C1QTNF3: variants seen among roughly 807,000 people sequenced by gnomAD.
The protein encoded by C1QTNF3 is complement C1q tumor necrosis factor-related protein 3.
A neutral mutation model predicts 32.6 loss-of-function variants in C1QTNF3; 26 were observed. That is an observed-to-expected ratio of 0.80 (90% CI 0.58 to 1.11). C1QTNF3 has a LOEUF of 1.11. C1QTNF3 is among the 50% of genes least tolerant of loss of function. C1QTNF3 has a pLI of 0.00. For synonymous variants in C1QTNF3, 155 were observed against 146.0 expected, an observed-to-expected ratio of 1.06 and a Z score of -0.44; for missense variants, 362 against 398.2, an observed-to-expected ratio of 0.91 and a Z score of 0.77.
chr5:34,034,617 TTGAC>T (rs1327715828), intron 2 of C1QTNF3, among the ~76,000 whole-genome samples: 1 of 152,216 alleles, frequency 6.6e-6, no homozygotes, highest in Non-Finnish European at 1.5e-5. Flanking sequence ...TGGATGAACT[TTGAC>T]TGTGTTTACA....
chr5:34,055,304 G>T, the C1QTNF3 span, among the ~76,000 whole-genome samples: 30 of 152,316 alleles, frequency 2.0e-4, no homozygotes, highest in African/African-American at 6.0e-4. Flanking sequence ...CCACATGGTA[G>T]AAAGAAGGGG....
the C1QTNF3 span, among the ~76,000 whole-genome samples, chr5:34,064,047 T>C: frequency 5.3e-5 from 8 of 151,916 alleles, no homozygotes; most frequent in Non-Finnish European, 1.0e-4. Flanking sequence ...CCCAGGAAAA[T>C]TGAAAGTGGA....
the C1QTNF3 span, chr5:34,166,934 C>G: frequency 6.6e-6 from 1 of 152,100 alleles, no homozygotes; most frequent in Non-Finnish European, 1.5e-5. Flanking sequence ...TACAGCTAAA[C>G]CTAATGAAGA....
At chr5:34,064,889 A>T in the C1QTNF3 span, among the ~76,000 whole-genome samples, 1 of 152,156 alleles carries the variant, frequency 6.6e-6, no homozygotes, top group Non-Finnish European at 1.5e-5. Context: ...ATTTATTCCA[A>T]GTCTACTGAT....
At chr5:34,236,883 T>G in the C1QTNF3 span, among the ~76,000 whole-genome samples, 1 of 152,116 alleles carries the variant, frequency 6.6e-6, no homozygotes, top group East Asian at 1.9e-4. Flanking sequence ...GCCAGTTAAT[T>G]TTTCTATTAA....
the C1QTNF3 span, among the ~76,000 whole-genome samples, chr5:34,229,237 A>G: frequency 6.6e-6 from 1 of 152,002 alleles, no homozygotes; most frequent in Non-Finnish European, 1.5e-5. Context: ...TCTCACATTT[A>G]CATATCATAA....
At chr5:34,051,027 T>C in the C1QTNF3 span, among the ~76,000 whole-genome samples, 2 of 152,206 alleles carry the variant, frequency 1.3e-5, no homozygotes, top group Non-Finnish European at 2.9e-5. Context: ...GGACTTGACA[T>C]TATATGATAA....
the C1QTNF3 span, among the ~76,000 whole-genome samples, chr5:34,234,704 T>A: frequency 7.9e-5 from 12 of 152,288 alleles, no homozygotes; most frequent in East Asian, 1.5e-3. Flanking sequence ...GATGAAACCA[T>A]AAACATGTCC....
the C1QTNF3 span, among the ~76,000 whole-genome samples, chr5:34,126,878 G>A: frequency 2.6e-5 from 4 of 152,198 alleles, no homozygotes; most frequent in African/African-American, 7.2e-5. Flanking sequence ...CATTTCAGGG[G>A]TGGAGCCTGA....
chr5:34,172,333 TACTC>T, the C1QTNF3 span, among the ~76,000 whole-genome samples: 1 of 151,366 alleles, frequency 6.6e-6, no homozygotes, highest in African/African-American at 2.4e-5. Flanking sequence ...TGTGGTCTCT[TACTC>T]TCTCTCAAAA....
the C1QTNF3 span, among the ~76,000 whole-genome samples, chr5:34,088,372 A>G: frequency 6.6e-6 from 1 of 152,210 alleles, no homozygotes; most frequent in South Asian, 2.1e-4. Flanking sequence ...TGTATTGTTT[A>G]TTAAATTCTC....
At chr5:34,048,598 G>T in the C1QTNF3 span, among the ~76,000 whole-genome samples, 1 of 150,792 alleles carries the variant, frequency 6.6e-6, no homozygotes, top group East Asian at 2.0e-4. Context: ...ACAATGAGAA[G>T]AATTCTGGGA....
the C1QTNF3 span, among the ~76,000 whole-genome samples, chr5:34,196,660 A>ATTTTTTTT: frequency 7.1e-6 from 1 of 140,986 alleles, no homozygotes; most frequent in Non-Finnish European, 1.6e-5. Flanking sequence ...TTAATTTTTA[A>ATTTTTTTT]TTTTTTTTTT....
chr5:34,130,123 TTA>T, the C1QTNF3 span, among the ~76,000 whole-genome samples: 66 of 148,038 alleles, frequency 4.5e-4, no homozygotes, highest in East Asian at 9.8e-4. Flanking sequence ...GATCACTATT[TTA>T]TATATATACA....
the C1QTNF3 span, among the ~76,000 whole-genome samples, chr5:34,145,748 A>T: frequency 2.6e-5 from 4 of 152,106 alleles, no homozygotes; most frequent in Admixed American, 2.6e-4. Flanking sequence ...AGCCATAAAA[A>T]TACTCAACAA....
At chr5:34,079,133 A>G in the C1QTNF3 span, among the ~76,000 whole-genome samples, 1 of 151,650 alleles carries the variant, frequency 6.6e-6, no homozygotes, top group African/African-American at 2.4e-5. Context: ...AATGAAAAAC[A>G]CTGTGATCTA....
the C1QTNF3 span, among the ~76,000 whole-genome samples, chr5:34,225,495 A>G: frequency 6.6e-6 from 1 of 152,062 alleles, no homozygotes; most frequent in Non-Finnish European, 1.5e-5. Context: ...GTATTTTAAT[A>G]AACTGACTTA....
the C1QTNF3 span, among the ~76,000 whole-genome samples, chr5:34,143,810 C>G: frequency 4.6e-5 from 7 of 152,258 alleles, no homozygotes; most frequent in South Asian, 1.5e-3. Context: ...AAAAATGACA[C>G]CTGCTACTCC....
the C1QTNF3 span, among the ~76,000 whole-genome samples, chr5:34,075,186 T>C: frequency 2.0e-5 from 3 of 151,750 alleles, no homozygotes; most frequent in Non-Finnish European, 4.4e-5. Context: ...TTTTGTTAGA[T>C]ATGGATATGC....
Sources: gnomAD v4.1 joint callset for allele counts (sites outside exome capture counted in the v4.1 genomes callset) on GRCh38, gnomAD v4.1.1 for gene constraint, MANE v1.5 for transcripts, NCBI Gene and HGNC (gene_info 2026-07-23, HGNC 2026-07-21) for gene names.